Variants in AP3B1 observed in about 807,000 individuals in gnomAD.
AP3B1 encodes the protein AP-3 complex subunit beta-1.
Under a neutral mutation model 132.5 loss-of-function variants are expected in AP3B1, and 61 were observed. The ratio of observed to expected loss-of-function variants is 0.46; its 90% CI spans 0.37 to 0.57. The LOEUF (loss-of-function observed/expected upper bound fraction) is 0.57. Among genes scored for constraint, AP3B1 ranks in the 20% least tolerant of loss-of-function variants. The pLI, the probability that AP3B1 is intolerant of heterozygous loss-of-function variation, is 0.00. For missense variants in AP3B1, 1,120 were observed against 1,289.4 expected, an observed-to-expected ratio of 0.87 and a Z score of 2.01; for synonymous variants, 388 against 438.3, an observed-to-expected ratio of 0.89 and a Z score of 1.43.
At chr5:78,279,644 C>T (rs909078314) in intron 1 of AP3B1, among the ~76,000 whole-genome samples, 1 of 151,806 alleles carries the variant, frequency 6.6e-6, no homozygotes, top group East Asian at 1.9e-4. Context: ...CACTGTGACT[C>T]ATGCCTGCAA....
chr5:78,190,577 G>T (rs979865067), intron 7 of AP3B1, among the ~76,000 whole-genome samples: 1 of 152,114 alleles, frequency 6.6e-6, no homozygotes, highest in Admixed American at 6.6e-5. Context: ...GGTGTATCTG[G>T]ACACACCAGT....
intron 15 of AP3B1, among the ~76,000 whole-genome samples, chr5:78,139,101 T>C (rs562811331): frequency 2.1e-5 from 3 of 144,654 alleles, no homozygotes; most frequent in Admixed American, 2.1e-4. Context: ...TAAAAAGACA[T>C]GAAACATGCT....
intron 2 of AP3B1, among the ~76,000 whole-genome samples, chr5:78,250,813 T>G (rs868624948): frequency 6.6e-6 from 1 of 151,916 alleles, no homozygotes; most frequent in Non-Finnish European, 1.5e-5. Flanking sequence ...CAAAGAAAAT[T>G]TTCAGATAAA....
chr5:78,133,040 C>A (rs1266089797), intron 15 of AP3B1, among the ~76,000 whole-genome samples: 1 of 152,202 alleles, frequency 6.6e-6, no homozygotes, highest in African/African-American at 2.4e-5. Context: ...TTTACTCCTG[C>A]ACATATTTCA....
At chr5:78,035,711 T>C (rs183323259) in intron 23 of AP3B1, among the ~76,000 whole-genome samples, 3 of 152,226 alleles carry the variant, frequency 2.0e-5, no homozygotes, top group African/African-American at 7.2e-5. Flanking sequence ...CAGTGGTATG[T>C]ATGTTAGTTT....
Position 78,204,774 on chromosome 5 carries a change from T to C in AP3B1, c.786+11281A>G, listed in dbSNP as rs1745436443. On this transcript the variant is annotated intron_variant, in intron 7 of 26. Transcript: ENST00000255194. ...AATCTACTCTGTTCCATCCAGCCCC[T>C]GTCACTGAGGCAGAGAAGGGAGGAT... Among the ~76,000 whole-genome samples, 4 of 152,184 alleles carry C rather than the reference T, an allele frequency of 2.6e-5. No homozygotes were observed. In the South Asian group the frequency reaches 8.3e-4, roughly 32 times the overall value.
At chr5:78,163,398 A>G (rs1349366068) in intron 12 of AP3B1, among the ~76,000 whole-genome samples, 1 of 152,146 alleles carries the variant, frequency 6.6e-6, no homozygotes, top group East Asian at 1.9e-4. Context: ...AGGGACCAGT[A>G]GGCTATTTAC....
chr5:78,103,869 A>G (rs1324648175), intron 20 of AP3B1, among the ~76,000 whole-genome samples: 1 of 152,194 alleles, frequency 6.6e-6, no homozygotes, highest in Non-Finnish European at 1.5e-5. Flanking sequence ...GGAAATACTT[A>G]TTAACCTCCA....
intron 21 of AP3B1, among the ~76,000 whole-genome samples, chr5:78,097,378 GAGGTAGGGGGTCAGCCCCCC>G (rs1750894938): frequency 7.6e-6 from 1 of 131,956 alleles, no homozygotes; most frequent in Non-Finnish European, 1.7e-5. Context: ...GTCCGGGAGG[GAGGTAGGGGGTCAGCCCCCC>G]GCCCGGCCAG....
chr5:78,032,654 A>G (rs567881934), intron 24 of AP3B1, among the ~76,000 whole-genome samples: 171 of 152,082 alleles, frequency 1.1e-3, no homozygotes, highest in Admixed American at 1.8e-3. Context: ...GATCAATTAC[A>G]TTTGATGCAA....
At chr5:78,030,262 T>A (rs190977191) in intron 24 of AP3B1, among the ~76,000 whole-genome samples, 22 of 152,210 alleles carry the variant, frequency 1.4e-4, no homozygotes, top group African/African-American at 4.6e-4. Flanking sequence ...CTCAGCCTCC[T>A]GAGTAGCTGG....
chr5:78,110,104 T>C (rs970043307), intron 20 of AP3B1, 103 bp downstream of exon 20: 10 of 1,076,382 alleles, frequency 9.3e-6, no homozygotes, highest in Middle Eastern at 3.0e-4. Context: ...GAAAGGCTTA[T>C]CTAGAAAAAA....
chr5:78,137,186 CTT>C (rs1318788235), intron 15 of AP3B1, among the ~76,000 whole-genome samples: 2 of 152,134 alleles, frequency 1.3e-5, no homozygotes, highest in African/African-American at 4.8e-5. Context: ...TAGTTAAACT[CTT>C]TGAATGAGTA....
At chr5:78,186,807 T>C (rs141897553) in intron 7 of AP3B1, among the ~76,000 whole-genome samples, 135 of 152,334 alleles carry the variant, frequency 8.9e-4, no homozygotes, top group Middle Eastern at 6.8e-3. Context: ...ATTTTTCCCT[T>C]GCTAGGTGCC....
At chr5:78,066,176 A>G (rs1749281963) in intron 22 of AP3B1, among the ~76,000 whole-genome samples, 1 of 152,218 alleles carries the variant, frequency 6.6e-6, no homozygotes, top group African/African-American at 2.4e-5. Context: ...CAGCAGCCTC[A>G]AAGATTGGAG....
At chr5:78,171,226 T>TAA (rs1743900967) in intron 11 of AP3B1, among the ~76,000 whole-genome samples, 2 of 152,204 alleles carry the variant, frequency 1.3e-5, no homozygotes, top group African/African-American at 2.4e-5. Flanking sequence ...AGCTTTTTTT[T>TAA]GGTTCCATAT....
At chr5:78,239,987 T>C (rs937980708) in intron 3 of AP3B1, among the ~76,000 whole-genome samples, 1 of 152,108 alleles carries the variant, frequency 6.6e-6, no homozygotes, top group Non-Finnish European at 1.5e-5. Flanking sequence ...TACCAAAAAA[T>C]GACCATACTA....
intron 2 of AP3B1, among the ~76,000 whole-genome samples, chr5:78,252,157 C>T (rs780517242): frequency 8.5e-5 from 13 of 152,068 alleles, no homozygotes; most frequent in Non-Finnish European, 1.8e-4. Context: ...ACTGAAGAGC[C>T]CTTGGGCCCT....
At chr5:78,127,617 G>A (rs890598584) in intron 17 of AP3B1, among the ~76,000 whole-genome samples, 1 of 152,112 alleles carries the variant, frequency 6.6e-6, no homozygotes, top group African/African-American at 2.4e-5. Context: ...AAAAAATCTA[G>A]AACACTTTGT....
Sources: allele counts gnomAD v4.1 joint callset (sites outside exome capture counted in the v4.1 genomes callset), GRCh38; gene constraint gnomAD v4.1.1; transcripts MANE v1.5; gene names NCBI Gene and HGNC (gene_info 2026-07-23, HGNC 2026-07-21).